CFAP299: variants seen among roughly 807,000 people sequenced by gnomAD.
The protein encoded by CFAP299 is cilia and flagella associated protein 299, also known as cilia- and flagella-associated protein 299.
A neutral mutation model predicts 27.0 loss-of-function variants in CFAP299; 21 were observed. The observed-to-expected ratio is 0.78, with a 90% CI of 0.55 to 1.12. CFAP299 has a LOEUF of 1.12. CFAP299 is among the 50% of genes most tolerant of loss of function. The pLI is 0.00. For synonymous variants in CFAP299, 104 were observed against 98.1 expected (o/e 1.06, Z -0.36); for missense variants, 310 against 276.6 (o/e 1.12, Z -0.86).
At chr4:80,326,076 T>C in the CFAP299 span, among the ~76,000 whole-genome samples, 1 of 152,238 alleles carries the variant, frequency 6.6e-6, no homozygotes, top group Non-Finnish European at 1.5e-5. Context: ...TGTAAAGCAG[T>C]TCTTTCTGCA....
intron 3 of CFAP299, among the ~76,000 whole-genome samples, chr4:80,821,073 C>A (rs1729678502): frequency 6.6e-6 from 1 of 152,122 alleles, no homozygotes; most frequent in Non-Finnish European, 1.5e-5. Flanking sequence ...TGATCACAGA[C>A]CTGATTGATC....
At position 80,880,433 on chromosome 4, in the gene CFAP299, G is replaced by A. The variant is rs374703488; in HGVS notation, c.476+10298G>A. On this transcript the variant is annotated intron_variant, in intron 4 of 5. Coordinates refer to ENST00000358105, the MANE Select transcript of CFAP299 (RefSeq NM_152770.3). ...TATTTTGAGGAGAAATTCAGAATGC[G>A]GTTAAGAAATATAATCGTCCAGGTG... is the stretch of plus-strand genomic sequence containing the variant. Among the ~76,000 whole-genome samples, 23 of 152,174 alleles carry A rather than the reference G, an allele frequency of 1.5e-4. No homozygotes were observed. In the South Asian group the frequency reaches 1.9e-3, roughly 12 times the overall value.
chr4:80,478,163 C>T (rs374468560), intron 2 of CFAP299, among the ~76,000 whole-genome samples: 15 of 152,256 alleles, frequency 9.9e-5, no homozygotes, highest in African/African-American at 2.2e-4. Flanking sequence ...TAAAGGATGT[C>T]GTACCTGGTG....
At chr4:80,869,792 G>A (rs185456974) in intron 3 of CFAP299, among the ~76,000 whole-genome samples, 9 of 152,366 alleles carry the variant, frequency 5.9e-5, no homozygotes, top group Admixed American at 5.9e-4. Flanking sequence ...GATTACAGGC[G>A]TGAGCCACGT....
the CFAP299 span, among the ~76,000 whole-genome samples, chr4:80,324,739 G>GTGC: frequency 1.7e-4 from 26 of 152,300 alleles, no homozygotes; most frequent in Non-Finnish European, 2.4e-4. Context: ...TTTAACAAAA[G>GTGC]TGCTGGCAGT....
intron 4 of CFAP299, among the ~76,000 whole-genome samples, chr4:80,897,962 G>C (rs1389908908): frequency 3.3e-5 from 5 of 152,194 alleles, no homozygotes; most frequent in Non-Finnish European, 7.3e-5. Flanking sequence ...AGGTGAGTCG[G>C]TGCAGGAGCC....
chr4:80,946,768 C>T (rs987480516), intron 5 of CFAP299, among the ~76,000 whole-genome samples: 4 of 151,968 alleles, frequency 2.6e-5, no homozygotes, highest in Non-Finnish European at 5.9e-5. Flanking sequence ...ATCAACATAC[C>T]TTCTCTCTAG....
At chr4:80,628,534 G>A (rs1423228929) in intron 3 of CFAP299, among the ~76,000 whole-genome samples, 1 of 152,106 alleles carries the variant, frequency 6.6e-6, no homozygotes, top group Admixed American at 6.6e-5. Context: ...AACCAACAGA[G>A]CAAAGAGACA....
chr4:80,828,843 A>G (rs893835615), intron 3 of CFAP299, among the ~76,000 whole-genome samples: 9 of 152,116 alleles, frequency 5.9e-5, no homozygotes, highest in Non-Finnish European at 1.2e-4. Flanking sequence ...GGGAATAAAT[A>G]ATGTTTTTAG....
At chr4:80,889,959 T>G (rs1466548477) in intron 4 of CFAP299, among the ~76,000 whole-genome samples, 1 of 152,090 alleles carries the variant, frequency 6.6e-6, no homozygotes, top group African/African-American at 2.4e-5. Context: ...GAACTAGGAA[T>G]AGAATGAACA....
At chr4:80,461,249 G>C (rs1460835649) in intron 2 of CFAP299, among the ~76,000 whole-genome samples, 4 of 151,876 alleles carry the variant, frequency 2.6e-5, no homozygotes, top group Non-Finnish European at 5.9e-5. Context: ...ATTCTCTCTT[G>C]GATCAAAGAA....
chr4:80,597,666 A>C (rs910210590), intron 3 of CFAP299, among the ~76,000 whole-genome samples: 3 of 152,040 alleles, frequency 2.0e-5, no homozygotes, highest in African/African-American at 7.2e-5. Flanking sequence ...TTATGTTTAC[A>C]CTTAGATGTA....
chr4:80,852,306 C>T (rs1015053199), intron 3 of CFAP299, among the ~76,000 whole-genome samples: 1 of 152,096 alleles, frequency 6.6e-6, no homozygotes, highest in Non-Finnish European at 1.5e-5. Context: ...CCCAGACCTA[C>T]TGAATCTGAA....
intron 3 of CFAP299, among the ~76,000 whole-genome samples, chr4:80,861,884 T>A (rs1416350338): frequency 6.6e-6 from 1 of 152,180 alleles, no homozygotes; most frequent in African/African-American, 2.4e-5. Flanking sequence ...AGAAGTTTTT[T>A]AATTCACTCT....
chr4:80,542,013 G>A (rs1734017282), intron 2 of CFAP299, among the ~76,000 whole-genome samples: 2 of 151,854 alleles, frequency 1.3e-5, no homozygotes, highest in Non-Finnish European at 2.9e-5. Context: ...ATATTCATAA[G>A]AAAAATAAGA....
At chr4:80,807,570 A>G (rs1189327992) in intron 3 of CFAP299, among the ~76,000 whole-genome samples, 2 of 152,140 alleles carry the variant, frequency 1.3e-5, no homozygotes, top group African/African-American at 2.4e-5. Flanking sequence ...CTCGGTAGAA[A>G]AATATATTCT....
rs769784138 is a variant in CFAP299, at chr4:80,583,055, T to C, written c.243-38T>C. ...TCCAGAGTGTTGGAAACATATTTGTTATCTAATATATTATAACTGAAGATC... is the reference window on the plus strand; with the variant it reads ...TCCAGAGTGTTGGAAACATATTTGTCATCTAATATATTATAACTGAAGATC... On this transcript the variant is annotated intron_variant, in intron 2 of 5. Coordinates refer to ENST00000358105, the MANE Select transcript of CFAP299 (RefSeq NM_152770.3). 3.0e-6 allele frequency: 4 copies of C among 1,339,542 alleles called. No homozygotes were observed. In the East Asian group the frequency reaches 7.1e-5, roughly 24 times the overall value. 83.0% of individuals were successfully genotyped at this position (1,339,542 alleles called of 1,614,324 possible). A position where few individuals can be genotyped will look rare whatever the true frequency, so the allele number is the denominator to read the frequency against.
intron 3 of CFAP299, among the ~76,000 whole-genome samples, chr4:80,731,256 A>G (rs1217259765): frequency 6.6e-6 from 1 of 152,186 alleles, no homozygotes; most frequent in Non-Finnish European, 1.5e-5. Flanking sequence ...AGCTGGTACG[A>G]GGGGGTCCCA....
At chr4:80,722,663 G>A (rs886555552) in intron 3 of CFAP299, among the ~76,000 whole-genome samples, 6 of 152,270 alleles carry the variant, frequency 3.9e-5, no homozygotes, top group African/African-American at 1.4e-4. Context: ...CACTTTGGGA[G>A]GCTGAGGCAG....
Sources: gnomAD v4.1 joint callset for allele counts (sites outside exome capture counted in the v4.1 genomes callset) on GRCh38, gnomAD v4.1.1 for gene constraint, MANE v1.5 for transcripts, NCBI Gene and HGNC (gene_info 2026-07-23, HGNC 2026-07-21) for gene names.